SH3BP5L: variants seen among roughly 807,000 people sequenced by gnomAD.
SH3BP5L encodes the protein SH3 domain-binding protein 5-like.
A neutral mutation model predicts 40.9 loss-of-function variants in SH3BP5L; 16 were observed. That is an observed-to-expected ratio of 0.39 (90% CI 0.27 to 0.59). The LOEUF (loss-of-function observed/expected upper bound fraction) is 0.59. SH3BP5L is among the 20% of genes least tolerant of loss of function. The pLI is 0.53. For missense variants in SH3BP5L, 471 were observed against 544.6 expected, an observed-to-expected ratio of 0.86 and a Z score of 1.35; for synonymous variants, 229 against 226.7, an observed-to-expected ratio of 1.01 and a Z score of -0.09.
At position 248,811,895 on chromosome 1, in the gene SH3BP5L, C is replaced by G. The variant is rs1663939519; in HGVS notation, c.*5G>C. 5 of 1,509,544 alleles carry G rather than the reference C, an allele frequency of 3.3e-6. No individual in the cohort carries two copies. The South Asian group carries it at 6.2e-5, about 19-fold the overall frequency. The allele number at this position is 1,509,544 out of a possible 1,614,324, so 93.5% of individuals were successfully genotyped here. Reference sequence around the variant, plus strand: ...AGATTCAAGCCAGGAACCCTGGCCCCTCGGCTACAGGCTGACGCTGCGCTG... The same window carrying G: ...AGATTCAAGCCAGGAACCCTGGCCCGTCGGCTACAGGCTGACGCTGCGCTG... On this transcript the variant is annotated 3_prime_UTR_variant, in exon 7 of 7. Coordinates refer to ENST00000366472, the MANE Select transcript of SH3BP5L (RefSeq NM_030645.3).
intron 2 of SH3BP5L, among the ~76,000 whole-genome samples, chr1:248,820,063 A>T (rs1226204365): frequency 6.6e-6 from 1 of 152,236 alleles, no homozygotes; most frequent in African/African-American, 2.4e-5. Flanking sequence ...CTAAGTCTTC[A>T]CAATCCGTAT....
intron 4 of SH3BP5L, chr1:248,815,026 A>G (rs909465346): frequency 9.8e-5 from 34 of 348,500 alleles, no homozygotes; most frequent in Admixed American, 3.9e-4. Flanking sequence ...GCTCAGGGAC[A>G]GTCATCATAG....
chr1:248,818,072 G>A (rs1398921788), intron 2 of SH3BP5L, among the ~76,000 whole-genome samples: 2 of 152,036 alleles, frequency 1.3e-5, no homozygotes, highest in African/African-American at 4.8e-5. Flanking sequence ...GCTGGGACAG[G>A]CATGGTGGCT....
rs1036159737 is a variant in SH3BP5L, at chr1:248,821,783, G to C, written c.183+2970C>G. Among the ~76,000 whole-genome samples the C allele has an allele frequency of 6.6e-6, 1 of 152,156 alleles. No homozygotes were observed. The highest frequency in any genetic ancestry group is 2.4e-5 in the African/African-American group (1 of 41,430). ...GACACAGCCAGCAGCCTTCCCTGGAGGGACAGCACGCTCCAGGTAGGCACC... is the reference window on the plus strand; with the variant it reads ...GACACAGCCAGCAGCCTTCCCTGGACGGACAGCACGCTCCAGGTAGGCACC... On this transcript the variant is annotated intron_variant, in intron 2 of 6. Coordinates refer to ENST00000366472, the MANE Select transcript of SH3BP5L (RefSeq NM_030645.3). This position sits in a 1 kb window ranked among gnomAD's most constrained non-coding sequence, Gnocchi z 4.6.
chr1:248,819,565 T>C (rs1664196288), intron 2 of SH3BP5L, among the ~76,000 whole-genome samples: 1 of 151,934 alleles, frequency 6.6e-6, no homozygotes, highest in Non-Finnish European at 1.5e-5. Flanking sequence ...TAGCTGGGTA[T>C]GGTGGCACAC....
chr1:248,810,517 T>G lies in SH3BP5L; in HGVS notation c.*1383A>C, dbSNP rs1663869487. On this transcript the variant is annotated 3_prime_UTR_variant, in exon 7 of 7. Coordinates refer to ENST00000366472, the MANE Select transcript of SH3BP5L (RefSeq NM_030645.3). ...CCTTTCCCCCTTACACACCAGCACA[T>G]GCACACACGCACACCCACACCCTCC... 6.6e-6 allele frequency: 1 copy of G among 152,348 alleles called. No individual in the cohort carries two copies. The highest frequency in any genetic ancestry group is 2.4e-5 in the African/African-American group (1 of 41,400). The allele number at this position is 152,348 out of a possible 1,614,324, so 9.4% of individuals were successfully genotyped here.
intron 2 of SH3BP5L, among the ~76,000 whole-genome samples, chr1:248,818,644 G>A (rs1664172929): frequency 6.6e-6 from 1 of 152,194 alleles, no homozygotes; most frequent in Non-Finnish European, 1.5e-5. Context: ...TGGAAGGACT[G>A]GAGAGAGAAG....
intron 4 of SH3BP5L, 93 bp from the exon 5 acceptor site, chr1:248,814,703 A>G (rs769325103): frequency 7.7e-7 from 1 of 1,293,270 alleles, no homozygotes; most frequent in Non-Finnish European, 1.1e-6. Flanking sequence ...AGAAGGAGGA[A>G]GGCCTACTAG....
chr1:248,817,591 G>A (rs951342279), intron 2 of SH3BP5L, among the ~76,000 whole-genome samples: 14 of 152,234 alleles, frequency 9.2e-5, no homozygotes, highest in African/African-American at 2.2e-4. Flanking sequence ...GGTGGCTCAC[G>A]CCTGTAATCC....
chr1:248,818,933 C>T (rs1211844601), intron 2 of SH3BP5L, among the ~76,000 whole-genome samples: 3 of 152,216 alleles, frequency 2.0e-5, no homozygotes, highest in Non-Finnish European at 4.4e-5. Flanking sequence ...GCTGCCCAGA[C>T]CCATGACTTG....
At chr1:248,819,946 AAAAG>A (rs1277126960) in intron 2 of SH3BP5L, among the ~76,000 whole-genome samples, 1 of 152,178 alleles carries the variant, frequency 6.6e-6, no homozygotes, top group East Asian at 1.9e-4. Flanking sequence ...AAAATTTAAA[AAAAG>A]AGTGAAATTA....
Position 248,812,635 on chromosome 1 carries a change from C to G in SH3BP5L, c.712-265G>C, listed in dbSNP as rs1663980865. Among the ~76,000 whole-genome samples, 1 of 152,154 alleles carries G rather than the reference C, an allele frequency of 6.6e-6. No homozygotes were observed. The highest frequency in any genetic ancestry group is 1.5e-5 in the Non-Finnish European group (1 of 68,024). ...GAGCCCCACCTTCCAGAGCCTTCCT[C>G]TCAGGCCTTCCTCTCCACCAGCTCC... On this transcript the variant is annotated intron_variant, in intron 6 of 6. Coordinates refer to ENST00000366472, the MANE Select transcript of SH3BP5L (RefSeq NM_030645.3). The surrounding 1 kb of genome is among the most constrained non-coding windows in gnomAD (Gnocchi z 6.1).
chr1:248,813,203 C>T (rs1664004370), intron 5 of SH3BP5L, 41 bp from the exon 6 acceptor site: 2 of 1,462,128 alleles, frequency 1.4e-6, no homozygotes, highest in Non-Finnish European at 1.8e-6. Flanking sequence ...ACCCATGCTT[C>T]AGTCTCTGGC....
intron 5 of SH3BP5L, chr1:248,813,485 A>G: frequency 3.3e-6 from 1 of 304,782 alleles, no homozygotes; most frequent in Non-Finnish European, 6.0e-6. Flanking sequence ...CTGCCAGGAA[A>G]GGGATGCTGG....
intron 4 of SH3BP5L, chr1:248,816,203 T>C (rs954310399): frequency 4.4e-6 from 1 of 224,830 alleles, no homozygotes; most frequent in Non-Finnish European, 9.0e-6. Flanking sequence ...GAAGAGGAAA[T>C]GGGCGCAGAT....
Position 248,816,823 on chromosome 1 carries a change from T to G in SH3BP5L, c.245A>C (p.Asp82Ala), listed in dbSNP as rs772699769. Residue 82 changes from aspartate (D) to alanine (A), a missense_variant and splice_region_variant, in exon 3 of 7, where the codon GAT becomes GCT. Around this residue, in one of 2 missense-constraint regions of SH3BP5L, gnomAD observed 275 missense variants for 370.1 expected, o/e 0.74. Coordinates refer to ENST00000366472, the MANE Select transcript of SH3BP5L (RefSeq NM_030645.3). ...GCACATAAGGAAAAGGACACTCACA[T>G]CCAGCTGTAGTTCCACCTGGTTGAT... ...EEINQVELQL[D>A]EARTTYRRIL... 1 of 1,614,030 alleles carries G rather than the reference T, an allele frequency of 6.2e-7. No homozygotes were observed. Among genetic ancestry groups the G allele is most frequent in the East Asian group, 2.2e-5 (1 of 44,876 alleles).
At position 248,824,963 on chromosome 1, in the gene SH3BP5L, G is replaced by T; in HGVS notation, c.-28C>A. On this transcript the variant is annotated 5_prime_UTR_variant, in exon 2 of 7. Transcript: ENST00000366472. ...TGACAGGGGGAGGGCAGAGCCCTATGCACAAGAGAGGACTGACATGCTGGG... is the reference window on the plus strand; with the variant it reads ...TGACAGGGGGAGGGCAGAGCCCTATTCACAAGAGAGGACTGACATGCTGGG... The T allele has an allele frequency of 6.3e-7, 1 of 1,595,794 alleles. No individual in the cohort carries two copies.
At chr1:248,817,152 G>C (rs148748546) in intron 2 of SH3BP5L, 27 of 1,008,748 alleles carry the variant, frequency 2.7e-5, no homozygotes, top group Non-Finnish European at 3.7e-5. Context: ...ATTGAGGTTT[G>C]GAGAATGCAA....
In SH3BP5L at chr1:248,811,932, C is replaced by G. The variant is rs1477907117; in HGVS notation, c.1150G>C (p.Gly384Arg). Residue 384 changes from glycine (G) to arginine (R), a missense_variant, in exon 7 of 7, where the codon GGG (glycine) becomes CGG (arginine). Around this residue, in one of 2 missense-constraint regions of SH3BP5L, gnomAD observed 196 missense variants for 174.6 expected, o/e 1.12. Coordinates refer to ENST00000366472, the MANE Select transcript of SH3BP5L (RefSeq NM_030645.3). ...GRRGSDGGAR[G>R]GRHQRSVSL ...CTGACGCTGCGCTGGTGCCGACCCCCACGGGCTCCGCCGTCGCTGCCCCGG... is the reference window on the plus strand; with the variant it reads ...CTGACGCTGCGCTGGTGCCGACCCCGACGGGCTCCGCCGTCGCTGCCCCGG... 4 of 1,550,142 alleles carry G rather than the reference C, an allele frequency of 2.6e-6. No homozygotes were observed. Among genetic ancestry groups the G allele is most frequent in the Non-Finnish European group, 3.5e-6 (4 of 1,146,752 alleles).
Sources: gnomAD v4.1 joint callset for allele counts (sites outside exome capture counted in the v4.1 genomes callset) on GRCh38, gnomAD v4.1.1 for gene constraint, gnomAD v4.1.1 regional missense constraint, Gnocchi (gnomAD v3.1) non-coding constraint, MANE v1.5 for transcripts, NCBI Gene and HGNC (gene_info 2026-07-23, HGNC 2026-07-21) for gene names.